The following PKHD1L1 variants were observed in gnomAD, a reference collection of about 807,000 sequenced individuals.
PKHD1L1 encodes the protein PKHD1 like 1.
A neutral mutation model predicts 462.9 loss-of-function variants in PKHD1L1; 434 were observed. That is an observed-to-expected ratio of 0.94 (90% CI 0.87 to 1.02). PKHD1L1 has a LOEUF of 1.02. Among genes scored for constraint, PKHD1L1 ranks in the 50% least tolerant of loss-of-function variants. The probability of loss-of-function intolerance (pLI) is 0.00; values close to 1 mark genes in which losing one functional copy is unlikely to be tolerated. For missense variants in PKHD1L1, 5,202 were observed against 5,096.1 expected, an observed-to-expected ratio of 1.02 and a Z score of -0.63; for synonymous variants, 1,781 against 1,750.0, an observed-to-expected ratio of 1.02 and a Z score of -0.44.
chr8:109,429,797 A>G, intron 26 of PKHD1L1, 135 bp from the exon 27 acceptor site: 1 of 685,838 alleles, frequency 1.5e-6, no homozygotes, highest in South Asian at 1.8e-5. Flanking sequence ...ATGAAATATC[A>G]AAGTACAAAA....
intron 2 of PKHD1L1, among the ~76,000 whole-genome samples, chr8:109,372,180 T>G (rs1332178567): frequency 6.6e-6 from 1 of 152,208 alleles, no homozygotes; most frequent in African/African-American, 2.4e-5. Context: ...TTTATTTCAT[T>G]GAGCAGTGGT....
rs531066242 is a variant in PKHD1L1 at position 109,432,313 on chromosome 8, C to A, written c.3230-793C>A. Among the ~76,000 whole-genome samples, 3 of 152,064 alleles carry A rather than the reference C, an allele frequency of 2.0e-5. No individual in the cohort carries two copies. The East Asian group carries it at 5.8e-4, about 29-fold the overall frequency. ...TTTATTTATTCCATTATGGTCAACC[C>A]CATGACTTCATGTATCATATTTGAG... On this transcript the variant is annotated intron_variant, in intron 27 of 77. Transcript: ENST00000378402.
chr8:109,447,712 G>A (rs576660172), intron 38 of PKHD1L1, among the ~76,000 whole-genome samples: 1 of 152,268 alleles, frequency 6.6e-6, no homozygotes, highest in Non-Finnish European at 1.5e-5. Context: ...TAAGAAAAAT[G>A]TAGTCTCTCC....
chr8:109,409,809 C>T lies in PKHD1L1; in HGVS notation c.1972-56C>T, dbSNP rs1813742105. On this transcript the variant is annotated intron_variant, in intron 18 of 77. Coordinates refer to ENST00000378402, the MANE Select transcript of PKHD1L1 (RefSeq NM_177531.6). ...ATTAGTAGAATCAGTAGTAGGATTACGAGTGTTCTAACTTTTCATGAAAAG... is the reference window on the plus strand; with the variant it reads ...ATTAGTAGAATCAGTAGTAGGATTATGAGTGTTCTAACTTTTCATGAAAAG... 1.2e-5 allele frequency: 11 copies of T among 939,084 alleles called. No homozygotes were observed. In the East Asian group the frequency reaches 1.4e-4, roughly 12 times the overall value. The allele number at this position is 939,084 out of a possible 1,614,324, so 58.2% of individuals were successfully genotyped here. A position where few individuals can be genotyped will look rare whatever the true frequency, so the allele number is the denominator to read the frequency against.
intron 50 of PKHD1L1, among the ~76,000 whole-genome samples, chr8:109,474,483 T>C (rs1217132483): frequency 1.3e-5 from 2 of 152,194 alleles, no homozygotes; most frequent in Non-Finnish European, 2.9e-5. Context: ...TCCTAAAATG[T>C]ATATATCTTC....
At chr8:109,421,251 A>T (rs968968632) in intron 23 of PKHD1L1, among the ~76,000 whole-genome samples, 1 of 152,024 alleles carries the variant, frequency 6.6e-6, no homozygotes, top group African/African-American at 2.4e-5. Flanking sequence ...CAAACCAAAA[A>T]CAAGTATAAT....
rs369137976 is a variant in PKHD1L1 at position 109,464,557 on chromosome 8, T to G, written c.7725T>G (p.Ala2575=). ...CGAACAATACCATACGACACAATGC[T>G]GTTGCTGGTGGCACTCACTTTGGCT... is the stretch of plus-strand genomic sequence containing the variant. ...TNPNNTIRHN[A]VAGGTHFGFW... The change falls in exon 49 of 78, where the codon GCT becomes GCG. Residue 2575 remains alanine, a synonymous_variant. Transcript: ENST00000378402. 1.2e-6 allele frequency: 2 copies of G among 1,613,666 alleles called. No homozygotes were observed. Among genetic ancestry groups the G allele is most frequent in the Non-Finnish European group, 1.7e-6 (2 of 1,179,794 alleles).
intron 47 of PKHD1L1, among the ~76,000 whole-genome samples, chr8:109,461,148 A>G (rs1817099164): frequency 6.6e-6 from 1 of 152,188 alleles, no homozygotes; most frequent in African/African-American, 2.4e-5. Context: ...TAAATTTTTT[A>G]TGTAATCATT....
Position 109,427,006 on chromosome 8 carries a change from C to T in PKHD1L1, c.2850C>T (p.Leu950=), listed in dbSNP as rs760833306. 4.0e-6 allele frequency: 6 copies of T among 1,518,682 alleles called. No homozygotes were observed. Among genetic ancestry groups the T allele is most frequent in the East Asian group, 4.5e-5 (2 of 44,480 alleles). The allele number at this position is 1,518,682 out of a possible 1,614,324, so 94.1% of individuals were successfully genotyped here. ...IQAYGHILKG[L]PAAVSAADLQ... ...GCCACCCCTCTGTGAGTGCAGGCCT[C>T]CCCGCTGCTGTGTCAGCTGCAGATC... Residue 950 remains leucine, a synonymous_variant, in exon 25 of 78, where the codon CTC becomes CTT. Coordinates refer to ENST00000378402, the MANE Select transcript of PKHD1L1 (RefSeq NM_177531.6).
intron 53 of PKHD1L1, 137 bp downstream of exon 53, chr8:109,477,533 G>T (rs1818054131): frequency 1.3e-6 from 1 of 789,710 alleles, no homozygotes. Context: ...CACATTCACT[G>T]CTTTGCTTGA....
rs1281929989 is a variant in PKHD1L1 at position 109,456,434 on chromosome 8, A to G, written c.7004+43A>G. The G allele has an allele frequency of 3.9e-6, 6 of 1,526,174 alleles. No individual in the cohort carries two copies. The South Asian group carries it at 7.7e-5, about 20-fold the overall frequency. 94.5% of individuals were successfully genotyped at this position (1,526,174 alleles called of 1,614,324 possible). On this transcript the variant is annotated intron_variant, in intron 46 of 77. Coordinates refer to ENST00000378402, the MANE Select transcript of PKHD1L1 (RefSeq NM_177531.6). ...CTTAATGATGTGTATTTAGAAAAGA[A>G]ATTTTTATACTGTATAAAGAGGGAC...
At chr8:109,407,231 G>A (rs1310247139) in intron 17 of PKHD1L1, among the ~76,000 whole-genome samples, 2 of 152,066 alleles carry the variant, frequency 1.3e-5, no homozygotes, top group African/African-American at 4.8e-5. Flanking sequence ...CTCACTTTAT[G>A]TAATTGTTTA....
Position 109,444,856 on chromosome 8 carries a change from C to G in PKHD1L1, c.4987C>G (p.Leu1663Val). The G allele has an allele frequency of 6.2e-7, 1 of 1,614,002 alleles. No homozygotes were observed. The highest frequency in any genetic ancestry group is 8.5e-7 in the Non-Finnish European group (1 of 1,179,886). Reference protein sequence around the residue: ...RRFVLLPNIDLVLPNAGSTTG... With the variant: ...RRFVLLPNIDVVLPNAGSTTG... ...ATTTGTACTTTTGCCAAACATTGAC[C>G]TGGTGTTGCCAAATGCAGGATCAAC... is the stretch of plus-strand genomic sequence containing the variant. Residue 1663 changes from leucine to valine, a missense_variant, in exon 38 of 78, where the codon CTG (leucine) becomes GTG (valine). Around this residue, in one of 3 missense-constraint regions of PKHD1L1, gnomAD observed 4,497 missense variants for 4,336.8 expected, o/e 1.04. Coordinates refer to ENST00000378402, the MANE Select transcript of PKHD1L1 (RefSeq NM_177531.6).
chr8:109,512,673 T>A (rs1820055728), intron 71 of PKHD1L1, among the ~76,000 whole-genome samples: 2 of 152,128 alleles, frequency 1.3e-5, no homozygotes, highest in South Asian at 2.1e-4. Flanking sequence ...TGACTTGGCG[T>A]TGCGGGCTCT....
At chr8:109,411,917 C>A (rs566358313) in intron 19 of PKHD1L1, among the ~76,000 whole-genome samples, 1 of 152,202 alleles carries the variant, frequency 6.6e-6, no homozygotes, top group East Asian at 1.9e-4. Context: ...TTCTTCACCA[C>A]TTGAATCCTG....
chr8:109,426,387 G>A (rs899418746), intron 24 of PKHD1L1, among the ~76,000 whole-genome samples: 5 of 151,740 alleles, frequency 3.3e-5, no homozygotes, highest in East Asian at 1.9e-4. Context: ...TTTGATATTT[G>A]TGAATTGATA....
At chr8:109,376,448 C>T (rs577695746) in intron 2 of PKHD1L1, among the ~76,000 whole-genome samples, 10 of 152,300 alleles carry the variant, frequency 6.6e-5, no homozygotes, top group African/African-American at 1.2e-4. Context: ...TTGTGCTTCC[C>T]GGGTGAGGTG....
chr8:109,504,360 C>A lies in PKHD1L1; in HGVS notation c.10862C>A (p.Ser3621Ter). 1 of 1,484,050 alleles carries A rather than the reference C, an allele frequency of 6.7e-7. No individual in the cohort carries two copies. The highest frequency in any genetic ancestry group is 1.3e-5 in the South Asian group (1 of 77,782). The allele number at this position is 1,484,050 out of a possible 1,614,324, so 91.9% of individuals were successfully genotyped here. Residue 3621 changes from serine (S) to a stop codon, truncating the protein, a stop_gained, in exon 68 of 78, where the codon TCA (serine) becomes TAA (stop). Transcript: ENST00000378402. LOFTEE classifies it high-confidence loss of function. ...STFVGFKNVC[S>*]GETNVIFITN... ...TTTGTTGGATTTAAGAATGTTTGTT[C>A]AGGGGAAACTAATGTTATATTCATT...
chr8:109,438,834 C>T (rs1815596147), intron 31 of PKHD1L1, 63 bp from the exon 32 acceptor site: 1 of 1,227,562 alleles, frequency 8.1e-7, no homozygotes, highest in South Asian at 1.6e-5. Context: ...ATTTAATATG[C>T]AAATTTCACA....
Sources: allele counts gnomAD v4.1 joint callset (sites outside exome capture counted in the v4.1 genomes callset), GRCh38; gene constraint gnomAD v4.1.1; regional missense constraint gnomAD v4.1.1; transcripts MANE v1.5; gene names NCBI Gene and HGNC (gene_info 2026-07-23, HGNC 2026-07-21).